Variants in RIT2 observed in about 807,000 individuals in gnomAD.
RIT2 encodes Ras like without CAAX 2.
In RIT2, 24 loss-of-function variants were observed where a neutral mutation model predicts 23.7. The ratio of observed to expected loss-of-function variants is 1.01; its 90% confidence interval spans 0.73 to 1.43. RIT2 has a LOEUF of 1.43. Among genes scored for constraint, RIT2 ranks in the 40% most tolerant of loss-of-function variants. RIT2 has a pLI of 0.00. For missense variants in RIT2, 236 were observed against 266.9 expected (o/e 0.88, Z 0.81); for synonymous variants, 107 against 91.1 (o/e 1.17, Z -0.99).
rs562831104 is a variant in RIT2 at position 42,942,649 on chromosome 18, T to C, written c.235-18886A>G. On this transcript the variant is annotated intron_variant, in intron 3 of 4. Coordinates refer to ENST00000326695, the MANE Select transcript of RIT2 (RefSeq NM_002930.4). ...TTCCATATGCCAAAGCTGTGTCCAT[T>C]AGGTGAACTGTTAGGTTTAAATAGC... 9.1e-4 allele frequency among the ~76,000 whole-genome samples: 139 copies of C among 152,214 alleles called. 1 individual carries two copies. The highest frequency in any genetic ancestry group is 3.1e-3 in the African/African-American group (128 of 41,568).
At chr18:43,087,110 T>C (rs955297873) in intron 1 of RIT2, among the ~76,000 whole-genome samples, 1 of 151,884 alleles carries the variant, frequency 6.6e-6, no homozygotes, top group African/African-American at 2.4e-5. Flanking sequence ...ATTAGCTGGG[T>C]GTGGTAGCAG....
intron 3 of RIT2, among the ~76,000 whole-genome samples, chr18:42,953,201 T>G (rs1272128181): frequency 1.3e-5 from 2 of 152,154 alleles, no homozygotes; most frequent in Non-Finnish European, 2.9e-5. Context: ...TAATATGTTT[T>G]AAAAGAGAGA....
In RIT2 at chr18:42,780,999, AT is replaced by A; in HGVS notation, c.427-37280del. On this transcript the variant is annotated intron_variant, in intron 4 of 4. Coordinates refer to ENST00000326695, the MANE Select transcript of RIT2 (RefSeq NM_002930.4). ...AAAGAAAGTAAATATCTTGGTAAAA[AT>A]AATCATTTCCTTTGTGGTTGACCTG... 3.3e-5 allele frequency among the ~76,000 whole-genome samples: 5 copies of A among 152,264 alleles called. No homozygotes were observed. The South Asian group carries it at 1.0e-3, about 32-fold the overall frequency.
intron 1 of RIT2, among the ~76,000 whole-genome samples, chr18:43,040,079 A>G (rs561190906): frequency 3.3e-5 from 5 of 152,226 alleles, no homozygotes; most frequent in African/African-American, 4.8e-5. Context: ...AACAAGAAAA[A>G]TCATGCTGTC....
chr18:43,044,403 A>G (rs949902715), intron 1 of RIT2, among the ~76,000 whole-genome samples: 2 of 152,190 alleles, frequency 1.3e-5, no homozygotes, highest in Non-Finnish European at 2.9e-5. Flanking sequence ...GGTATTCAGC[A>G]CTGGTGGTTT....
At chr18:42,780,356 A>C (rs1913782548) in intron 4 of RIT2, among the ~76,000 whole-genome samples, 1 of 152,012 alleles carries the variant, frequency 6.6e-6, no homozygotes. Flanking sequence ...AGCTTGAGTC[A>C]AGGTAAGGCA....
intron 4 of RIT2, among the ~76,000 whole-genome samples, chr18:42,802,133 G>T (rs1905556240): frequency 6.6e-6 from 1 of 152,160 alleles, no homozygotes; most frequent in African/African-American, 2.4e-5. Flanking sequence ...ATTAGATAGA[G>T]TTGAAAATAG....
rs549423378 is a variant in RIT2 at position 42,947,989 on chromosome 18, A to C, written c.235-24226T>G. Among the ~76,000 whole-genome samples, 16 of 152,210 alleles carry C rather than the reference A, an allele frequency of 1.1e-4. No individual in the cohort carries two copies. The South Asian group carries it at 1.7e-3, about 16-fold the overall frequency. On this transcript the variant is annotated intron_variant, in intron 3 of 4. Coordinates refer to ENST00000326695, the MANE Select transcript of RIT2 (RefSeq NM_002930.4). ...TATTTATATCTATGTATGTATCTAT[A>C]TGGATTAGATGGATTGTACCTAAGT...
chr18:42,916,925 C>T (rs764435844), intron 4 of RIT2, among the ~76,000 whole-genome samples: 1 of 152,122 alleles, frequency 6.6e-6, no homozygotes, highest in Non-Finnish European at 1.5e-5. Flanking sequence ...GCAAACCCAA[C>T]AGAGTCTTTA....
chr18:42,995,781 A>T (rs534194246), intron 2 of RIT2, among the ~76,000 whole-genome samples: 1 of 152,266 alleles, frequency 6.6e-6, no homozygotes, highest in African/African-American at 2.4e-5. Context: ...GCTCCTTTTT[A>T]TTAAGCCCCA....
chr18:43,080,154 A>G lies in RIT2; in HGVS notation c.103+35263T>C, dbSNP rs75381790. Among the ~76,000 whole-genome samples the G allele has an allele frequency of 4.4e-3, 664 of 152,306 alleles. 6 individuals are homozygous for G. Among genetic ancestry groups the G allele is most frequent in the African/African-American group, 0.014 (577 of 41,556 alleles). On this transcript the variant is annotated intron_variant, in intron 1 of 4. Coordinates refer to ENST00000326695, the MANE Select transcript of RIT2 (RefSeq NM_002930.4). ...ATAGACTTTCAGGCCACCAATCTATATTCAGTTCCTACCCTGTGCCAGGCC... is the reference window on the plus strand; with the variant it reads ...ATAGACTTTCAGGCCACCAATCTATGTTCAGTTCCTACCCTGTGCCAGGCC...
At chr18:43,027,157 A>C (rs1328852444) in intron 2 of RIT2, among the ~76,000 whole-genome samples, 1 of 152,136 alleles carries the variant, frequency 6.6e-6, no homozygotes, top group Non-Finnish European at 1.5e-5. Flanking sequence ...CCCTAATAAA[A>C]GCAATTTCAG....
chr18:42,894,650 T>C (rs1908274531), intron 4 of RIT2, among the ~76,000 whole-genome samples: 3 of 152,092 alleles, frequency 2.0e-5, no homozygotes, highest in Admixed American at 2.0e-4. Flanking sequence ...AAATCAACTC[T>C]AAAAAGGAAT....
intron 4 of RIT2, among the ~76,000 whole-genome samples, chr18:42,885,314 A>G (rs143052398): frequency 8.5e-5 from 13 of 152,370 alleles, no homozygotes; most frequent in African/African-American, 3.1e-4. Context: ...GGCCAGGCAC[A>G]GTGGCTCACG....
intron 1 of RIT2, among the ~76,000 whole-genome samples, chr18:43,072,073 C>T (rs1912910899): frequency 6.6e-6 from 1 of 152,078 alleles, no homozygotes; most frequent in Admixed American, 6.5e-5. Flanking sequence ...GCAATATCCA[C>T]CTCCCGGGTG....
chr18:42,967,454 C>G (rs1237529893), intron 3 of RIT2, among the ~76,000 whole-genome samples: 1 of 151,780 alleles, frequency 6.6e-6, no homozygotes, highest in Non-Finnish European at 1.5e-5. Context: ...ACTGAAAGCT[C>G]CGCCTCCCGG....
At chr18:42,792,941 A>ATTT (rs1308242364) in intron 4 of RIT2, among the ~76,000 whole-genome samples, 1 of 151,958 alleles carries the variant, frequency 6.6e-6, no homozygotes, top group East Asian at 1.9e-4. Flanking sequence ...TGTTAACTTT[A>ATTT]TTTTTCTATC....
At chr18:43,017,766 A>G (rs921440663) in intron 2 of RIT2, among the ~76,000 whole-genome samples, 1 of 152,032 alleles carries the variant, frequency 6.6e-6, no homozygotes, top group Non-Finnish European at 1.5e-5. Flanking sequence ...AGAGTTCAGT[A>G]AATCATATGT....
intron 1 of RIT2, among the ~76,000 whole-genome samples, chr18:43,075,619 C>A (rs1369771144): frequency 6.6e-6 from 1 of 152,056 alleles, no homozygotes; most frequent in Non-Finnish European, 1.5e-5. Context: ...GTGATTTTTT[C>A]TTAAATATAC....
Sources: allele counts gnomAD v4.1 joint callset (sites outside exome capture counted in the v4.1 genomes callset), GRCh38; gene constraint gnomAD v4.1.1; transcripts MANE v1.5; gene names NCBI Gene and HGNC (gene_info 2026-07-23, HGNC 2026-07-21).